Variants in ABTB3 observed in about 807,000 individuals in gnomAD.
ABTB3 encodes the protein ankyrin repeat and BTB domain containing 3, also known as ankyrin repeat- and BTB/POZ domain-containing protein 3.
chr12:107,658,000 C>T, the ABTB3 span: 12 of 461,056 alleles, frequency 2.6e-5, no homozygotes, highest in South Asian at 2.7e-4. Context: ...GACCACTGTC[C>T]AGTGAATGGA....
the ABTB3 span, among the ~76,000 whole-genome samples, chr12:107,655,749 T>C: frequency 3.3e-5 from 5 of 152,296 alleles, no homozygotes; most frequent in Admixed American, 2.0e-4. Flanking sequence ...AGCTCTTTTT[T>C]CCTAGTAAAC....
At chr12:107,434,001 T>C in the ABTB3 span, among the ~76,000 whole-genome samples, 1 of 152,210 alleles carries the variant, frequency 6.6e-6, no homozygotes, top group African/African-American at 2.4e-5. Context: ...ATCTCATTCA[T>C]GAGGGCTCCA....
chr12:107,578,648 G>A, the ABTB3 span, among the ~76,000 whole-genome samples: 1 of 152,024 alleles, frequency 6.6e-6, no homozygotes, highest in Admixed American at 6.6e-5. Context: ...CAACAATAAT[G>A]GAGACACTGT....
chr12:107,535,375 T>C, the ABTB3 span, among the ~76,000 whole-genome samples: 40,754 of 152,060 alleles, frequency 0.27, 5,852 homozygotes, highest in Admixed American at 0.36. Flanking sequence ...GGAACAAGGA[T>C]GCCCACTTTC....
At chr12:107,580,543 G>C in the ABTB3 span, 1 of 174,034 alleles carries the variant, frequency 5.7e-6, no homozygotes, top group African/African-American at 2.4e-5. Context: ...TGCCCAGCCA[G>C]CCTGGGTCTG....
At chr12:107,480,643 A>G in the ABTB3 span, among the ~76,000 whole-genome samples, 1 of 152,170 alleles carries the variant, frequency 6.6e-6, no homozygotes, top group South Asian at 2.1e-4. Flanking sequence ...GTGAACTCTG[A>G]AGGGTCGTGG....
the ABTB3 span, among the ~76,000 whole-genome samples, chr12:107,505,297 C>T: frequency 8.6e-5 from 13 of 151,984 alleles, no homozygotes; most frequent in African/African-American, 2.7e-4. Flanking sequence ...AGAAAGGAGA[C>T]GTAATGAATC....
chr12:107,528,698 T>G, the ABTB3 span, among the ~76,000 whole-genome samples: 1 of 152,220 alleles, frequency 6.6e-6, no homozygotes, highest in African/African-American at 2.4e-5. Flanking sequence ...CTCCCATGGC[T>G]AGCCCTCCTC....
the ABTB3 span, among the ~76,000 whole-genome samples, chr12:107,443,810 G>T: frequency 1.3e-5 from 2 of 152,198 alleles, no homozygotes; most frequent in African/African-American, 4.8e-5. Context: ...GGGGAGCCTG[G>T]TCGGGACACT....
chr12:107,466,365 G>A, the ABTB3 span, among the ~76,000 whole-genome samples: 1 of 152,122 alleles, frequency 6.6e-6, no homozygotes, highest in African/African-American at 2.4e-5. Context: ...TGAGGTAGGG[G>A]ACCAGGCTGT....
At chr12:107,507,155 C>G in the ABTB3 span, among the ~76,000 whole-genome samples, 1 of 152,028 alleles carries the variant, frequency 6.6e-6, no homozygotes, top group Non-Finnish European at 1.5e-5. Context: ...GGGATGGAAG[C>G]CCTCAGGAGA....
At chr12:107,610,334 G>T in the ABTB3 span, 1 of 1,614,118 alleles carries the variant, frequency 6.2e-7, no homozygotes, top group Non-Finnish European at 8.5e-7. Context: ...GGCCCGATGG[G>T]ATCAACACCA....
chr12:107,403,967 A>T, the ABTB3 span, among the ~76,000 whole-genome samples: 144 of 152,216 alleles, frequency 9.5e-4, 1 homozygote, highest in East Asian at 8.3e-3. Context: ...GTTCGAGACC[A>T]GCCTGGTCAA....
chr12:107,492,320 T>C, the ABTB3 span, among the ~76,000 whole-genome samples: 1 of 152,060 alleles, frequency 6.6e-6, no homozygotes, highest in South Asian at 2.1e-4. Flanking sequence ...ATCTGAAAAA[T>C]TGGGGGTGAT....
the ABTB3 span, chr12:107,640,381 T>C: frequency 1.3e-6 from 2 of 1,598,258 alleles, no homozygotes; most frequent in Admixed American, 1.7e-5. Context: ...CATTTTATGC[T>C]CACAAAGTGC....
chr12:107,388,130 A>G, the ABTB3 span, among the ~76,000 whole-genome samples: 2 of 150,780 alleles, frequency 1.3e-5, no homozygotes, highest in South Asian at 4.2e-4. Flanking sequence ...CCGCCACCAC[A>G]CCTGCTAATT....
chr12:107,332,639 G>T, the ABTB3 span, among the ~76,000 whole-genome samples: 1 of 152,208 alleles, frequency 6.6e-6, no homozygotes, highest in African/African-American at 2.4e-5. Context: ...CAGGGGCAGA[G>T]AAGTGAGGCA....
At chr12:107,462,595 T>C in the ABTB3 span, among the ~76,000 whole-genome samples, 3 of 152,052 alleles carry the variant, frequency 2.0e-5, no homozygotes, top group South Asian at 6.3e-4. Flanking sequence ...GTGATTATGG[T>C]GGTAGTGACA....
chr12:107,355,082 G>A, the ABTB3 span, among the ~76,000 whole-genome samples: 19 of 152,244 alleles, frequency 1.2e-4, no homozygotes, highest in Admixed American at 6.5e-4. Context: ...GGGGTCCCTC[G>A]CCCAAATGTA....
Sources: gnomAD v4.1 joint callset for allele counts (sites outside exome capture counted in the v4.1 genomes callset) on GRCh38, gnomAD v4.1.1 for gene constraint, MANE v1.5 for transcripts, NCBI Gene and HGNC (gene_info 2026-07-23, HGNC 2026-07-21) for gene names.